The following EPHB1 variants were observed in gnomAD, a reference collection of about 807,000 sequenced individuals.
EPHB1 encodes EPH receptor B1.
EPHB1 carries 30 observed loss-of-function variants against 94.4 expected under a neutral mutation model. That is an observed-to-expected ratio of 0.32 (90% CI 0.24 to 0.43). EPHB1 has a LOEUF of 0.43. Ranked by LOEUF, EPHB1 falls within the 20% of genes least tolerant of loss-of-function variation. The pLI is 1.00. For synonymous variants in EPHB1, 522 were observed against 489.1 expected, an observed-to-expected ratio of 1.07 and a Z score of -0.89; for missense variants, 1,055 against 1,308.3, an observed-to-expected ratio of 0.81 and a Z score of 2.99.
intron 1 of EPHB1, among the ~76,000 whole-genome samples, chr3:134,803,588 C>T (rs2035973986): frequency 6.6e-6 from 1 of 152,198 alleles, no homozygotes. Flanking sequence ...AGATTATGCT[C>T]CCAACCACTC....
intron 3 of EPHB1, among the ~76,000 whole-genome samples, chr3:135,082,805 A>T (rs764751267): frequency 1.3e-5 from 2 of 152,232 alleles, no homozygotes; most frequent in African/African-American, 2.4e-5. Flanking sequence ...CGCTTATTTA[A>T]TACAAGTCCA....
chr3:134,826,782 A>C (rs1264586940), intron 1 of EPHB1, among the ~76,000 whole-genome samples: 2 of 152,174 alleles, frequency 1.3e-5, no homozygotes, highest in Non-Finnish European at 2.9e-5. Flanking sequence ...GAAGAGGGCA[A>C]GAGTCATCTT....
chr3:135,062,998 G>A (rs1253535363), intron 3 of EPHB1, among the ~76,000 whole-genome samples: 1 of 152,044 alleles, frequency 6.6e-6, no homozygotes, highest in African/African-American at 2.4e-5. Flanking sequence ...TTGGCTCTAA[G>A]TATTTTGGTT....
At chr3:135,068,114 G>A (rs78850063) in intron 3 of EPHB1, among the ~76,000 whole-genome samples, 2,235 of 152,166 alleles carry the variant, frequency 0.015, 58 homozygotes, top group African/African-American at 0.052. Flanking sequence ...GTGTCCTCTC[G>A]GGATTCCTGG....
At chr3:135,061,920 C>T (rs181514783) in intron 3 of EPHB1, among the ~76,000 whole-genome samples, 1 of 152,164 alleles carries the variant, frequency 6.6e-6, no homozygotes, top group Non-Finnish European at 1.5e-5. Context: ...CTACAAAGGA[C>T]ATGAACTCAT....
chr3:135,209,140 A>G (rs757167615), intron 12 of EPHB1, among the ~76,000 whole-genome samples: 10 of 152,224 alleles, frequency 6.6e-5, no homozygotes, highest in Admixed American at 3.3e-4. Context: ...AAATGAACAA[A>G]TAGAAACAAG....
chr3:135,100,840 A>G, intron 3 of EPHB1, among the ~76,000 whole-genome samples: 1 of 152,118 alleles, frequency 6.6e-6, no homozygotes, highest in East Asian at 1.9e-4. Flanking sequence ...AGGGAGGCAA[A>G]TGTGTGTTTT....
At chr3:135,193,397 C>T (rs370294507) in intron 11 of EPHB1, among the ~76,000 whole-genome samples, 1 of 152,222 alleles carries the variant, frequency 6.6e-6, no homozygotes, top group Admixed American at 6.5e-5. Context: ...TGCTGAAGGC[C>T]TTTGGCTGGG....
chr3:135,137,581 G>A (rs1156485412), intron 5 of EPHB1, among the ~76,000 whole-genome samples: 1 of 152,026 alleles, frequency 6.6e-6, no homozygotes, highest in Non-Finnish European at 1.5e-5. Context: ...GTATTCCTGG[G>A]GTTGCTTCCC....
intron 15 of EPHB1, among the ~76,000 whole-genome samples, chr3:135,256,315 A>G (rs1057089132): frequency 2.6e-4 from 40 of 152,224 alleles, no homozygotes; most frequent in Middle Eastern, 3.4e-3. Context: ...TCCTAGTCTC[A>G]ATGGTCTTTA....
chr3:135,106,347 A>G (rs1402459350), intron 3 of EPHB1, 101 bp from the exon 4 acceptor site: 6 of 1,350,660 alleles, frequency 4.4e-6, no homozygotes, highest in East Asian at 2.3e-5. Flanking sequence ...GGGCATCTCA[A>G]TGTTCTTTTT....
rs192923260 is a variant in EPHB1 at position 135,189,687 on chromosome 3, T to C, written c.1883-2889T>C. Among the ~76,000 whole-genome samples, 847 of 152,318 alleles carry C rather than the reference T, an allele frequency of 5.6e-3. 8 individuals are homozygous for C. The highest frequency in any genetic ancestry group is 0.019 in the African/African-American group (804 of 41,570). ...CTGTAAGTCTCTTCAGGTGATTCCA[T>C]TGGGCAGCCAACTTTGAGAACCACT... On this transcript the variant is annotated intron_variant, in intron 10 of 15. Transcript: ENST00000398015.
rs2107731864 is a variant in EPHB1 at position 135,249,363 on chromosome 3, C to T, written c.2718C>T (p.Ser906=). 1.2e-6 allele frequency: 2 copies of T among 1,613,690 alleles called. No individual in the cohort carries two copies. Among genetic ancestry groups the T allele is most frequent in the Non-Finnish European group, 1.7e-6 (2 of 1,179,772 alleles). ...CTTCCCAGCCCCTGCTCGACCGCTC[C>T]ATCCCAGACTTCACGGCCTTTACCA... ...AVPSQPLLDR[S]IPDFTAFTTV... The change falls in exon 15 of 16, where the codon TCC becomes TCT. Residue 906 remains serine (S), a synonymous_variant. Coordinates refer to ENST00000398015, the MANE Select transcript of EPHB1 (RefSeq NM_004441.5).
Position 134,951,538 on chromosome 3 carries a change from C to A in EPHB1, c.291C>A (p.Ser97Arg), listed in dbSNP as rs200331680. Residue 97 changes from serine (S) to arginine (R), a missense_variant, in exon 3 of 16, where the codon AGC (serine) becomes AGA (arginine). Physicochemically the swap from Ser to Arg is moderately radical, Grantham distance 110. Coordinates refer to ENST00000398015, the MANE Select transcript of EPHB1 (RefSeq NM_004441.5). This position sits in a 1 kb window ranked among gnomAD's most constrained non-coding sequence, Gnocchi z 4.5. ...TGCGCTTCACTGTGAGAGACTGCAG[C>A]AGCCTCCCTAATGTCCCAGGATCCT... is the stretch of plus-strand genomic sequence containing the variant. ...TEMRFTVRDCSSLPNVPGSCK... is the reference protein window; with the variant it reads ...TEMRFTVRDCRSLPNVPGSCK... 6.2e-7 allele frequency: 1 copy of A among 1,613,922 alleles called. No homozygotes were observed. The highest frequency in any genetic ancestry group is 1.1e-5 in the South Asian group (1 of 91,068).
At chr3:135,172,046 C>T (rs773844802) in intron 9 of EPHB1, among the ~76,000 whole-genome samples, 1 of 152,176 alleles carries the variant, frequency 6.6e-6, no homozygotes, top group Non-Finnish European at 1.5e-5. Flanking sequence ...TAAACAGTGT[C>T]TTCTGTGTGG....
intron 3 of EPHB1, among the ~76,000 whole-genome samples, chr3:135,041,254 C>A (rs1172875893): frequency 6.6e-6 from 1 of 152,134 alleles, no homozygotes; most frequent in Non-Finnish European, 1.5e-5. Flanking sequence ...GTGCTTTCAA[C>A]CCCCCAGCCT....
intron 2 of EPHB1, among the ~76,000 whole-genome samples, chr3:134,940,135 A>C (rs2039084243): frequency 6.6e-6 from 1 of 152,142 alleles, no homozygotes; most frequent in Non-Finnish European, 1.5e-5. Flanking sequence ...TTAGCCTTTT[A>C]GTTCCTGCAT....
intron 1 of EPHB1, among the ~76,000 whole-genome samples, chr3:134,913,713 G>A (rs2038506343): frequency 6.6e-6 from 1 of 152,208 alleles, no homozygotes; most frequent in South Asian, 2.1e-4. Flanking sequence ...GGGAGCACTG[G>A]GTTTGGAATG....
intron 4 of EPHB1, among the ~76,000 whole-genome samples, chr3:135,117,633 G>T (rs533337076): frequency 3.9e-5 from 6 of 152,378 alleles, no homozygotes; most frequent in African/African-American, 1.2e-4. Context: ...CTAGAGGCTA[G>T]TTGAACACTA....
Sources: gnomAD v4.1 joint callset for allele counts (sites outside exome capture counted in the v4.1 genomes callset) on GRCh38, gnomAD v4.1.1 for gene constraint, Gnocchi (gnomAD v3.1) non-coding constraint, MANE v1.5 for transcripts, NCBI Gene and HGNC (gene_info 2026-07-23, HGNC 2026-07-21) for gene names.